Variants in ZBBX observed in about 807,000 individuals in gnomAD.
The protein encoded by ZBBX is zinc finger B-box domain containing, also known as zinc finger B-box domain-containing protein 1.
Under a neutral mutation model 108.5 loss-of-function variants are expected in ZBBX, and 101 were observed. The observed-to-expected ratio is 0.93, with a 90% CI of 0.79 to 1.10. The LOEUF (loss-of-function observed/expected upper bound fraction) is 1.10, where lower values mean the gene tolerates loss of function less well. Ranked by LOEUF, ZBBX falls within the 50% of genes least tolerant of loss-of-function variation. ZBBX has a pLI of 0.00. For synonymous variants in ZBBX, 356 were observed against 323.4 expected, an observed-to-expected ratio of 1.10 and a Z score of -1.08; for missense variants, 1,009 against 941.4, an observed-to-expected ratio of 1.07 and a Z score of -0.94.
intron 1 of ZBBX, among the ~76,000 whole-genome samples, chr3:167,393,941 A>C: frequency 6.6e-6 from 1 of 151,920 alleles, no homozygotes; most frequent in East Asian, 1.9e-4. Context: ...TTTTTCACTA[A>C]GTTTAAATAG....
At chr3:167,225,618 C>A in the ZBBX span, among the ~76,000 whole-genome samples, 1 of 151,782 alleles carries the variant, frequency 6.6e-6, no homozygotes, top group African/African-American at 2.4e-5. Flanking sequence ...ATTTGACTAT[C>A]GGGGGCTCGG....
At chr3:167,282,150 G>C in intron 20 of ZBBX, 88 bp downstream of exon 20, 1 of 1,353,794 alleles carries the variant, frequency 7.4e-7, no homozygotes, top group Non-Finnish European at 1.0e-6. Context: ...TTGTTTGCTG[G>C]CTTGTTTTGT....
At chr3:167,381,727 T>C (rs1747737348), upstream of ZBBX, among the ~76,000 whole-genome samples, 1 of 152,234 alleles carries the variant, frequency 6.6e-6, no homozygotes, top group Non-Finnish European at 1.5e-5. Flanking sequence ...CAAATATTTA[T>C]TGAAAGTCCA....
chr3:167,368,848 T>A (rs1392773185), intron 4 of ZBBX: 11 of 464,614 alleles, frequency 2.4e-5, no homozygotes, highest in Non-Finnish European at 3.3e-5. Flanking sequence ...TAAGGCATGT[T>A]TTTATATATG....
At position 167,245,757 on chromosome 3, in the gene ZBBX, T is replaced by A. The variant is rs555830394; in HGVS notation, c.2255-3114A>T. Reference sequence around the variant, plus strand: ...CTTCCCCTTCTGCCATGATTATAAGTTTCCTGAGGCCTCCACAGCCATGCT... The same window carrying A: ...CTTCCCCTTCTGCCATGATTATAAGATTCCTGAGGCCTCCACAGCCATGCT... On this transcript the variant is annotated intron_variant, in intron 20 of 21. Coordinates refer to ENST00000675490, the MANE Select transcript of ZBBX (RefSeq NM_001199201.2). Among the ~76,000 whole-genome samples the A allele has an allele frequency of 7.2e-5, 11 of 152,290 alleles. No individual in the cohort carries two copies. In the South Asian group the frequency reaches 2.3e-3, roughly 32 times the overall value.
At chr3:167,195,384 T>C in the ZBBX span, among the ~76,000 whole-genome samples, 1 of 152,206 alleles carries the variant, frequency 6.6e-6, no homozygotes, top group Admixed American at 6.5e-5. Flanking sequence ...GGCTTTCTTA[T>C]TATAGAATAA....
intron 1 of ZBBX, among the ~76,000 whole-genome samples, chr3:167,403,045 A>G: frequency 6.6e-6 from 1 of 152,182 alleles, no homozygotes. Flanking sequence ...ACAATGACTG[A>G]AAAGTTTCCT....
In ZBBX at chr3:167,322,183, A is replaced by G; in HGVS notation, c.917T>C (p.Leu306Pro). The change falls in exon 12 of 22, where the codon CTT (leucine) becomes CCT (proline). Residue 306 changes from leucine (L) to proline (P), a missense_variant. Physicochemically the swap from Leu to Pro is moderately conservative, Grantham distance 98. Coordinates refer to ENST00000675490, the MANE Select transcript of ZBBX (RefSeq NM_001199201.2). ...QTNLKIWREP[L>P]NIELKEDILS... The stretch of plus-strand genomic sequence containing the variant: ...AATGTCTTCTTTAAGTTCAATATTA[A>G]GTGGTTCTCTCCAAATTTTCAGATT... 6.8e-7 allele frequency: 1 copy of G among 1,474,820 alleles called. No homozygotes were observed. Among genetic ancestry groups the G allele is most frequent in the Non-Finnish European group, 9.0e-7 (1 of 1,107,290 alleles). The allele number at this position is 1,474,820 out of a possible 1,614,324, so 91.4% of individuals were successfully genotyped here.
At chr3:167,368,058 A>G (rs536528680) in intron 5 of ZBBX, among the ~76,000 whole-genome samples, 25 of 149,754 alleles carry the variant, frequency 1.7e-4, no homozygotes, top group African/African-American at 5.8e-4. Context: ...TCTTGCTCCC[A>G]AAAGCTTTTG....
intron 8 of ZBBX, 122 bp downstream of exon 8, chr3:167,359,748 A>G (rs1050392618): frequency 1.2e-5 from 5 of 413,820 alleles, no homozygotes; most frequent in Non-Finnish European, 2.1e-5. Context: ...ATGAAGAAAA[A>G]GTATATGGCT....
intron 16 of ZBBX, among the ~76,000 whole-genome samples, chr3:167,308,379 A>G (rs759071447): frequency 1.3e-5 from 2 of 152,212 alleles, no homozygotes; most frequent in African/African-American, 2.4e-5. Context: ...AATTAGTTCA[A>G]CCATCATGGA....
At chr3:167,304,510 T>A (rs769470843) in intron 17 of ZBBX, among the ~76,000 whole-genome samples, 12 of 152,184 alleles carry the variant, frequency 7.9e-5, no homozygotes, top group Non-Finnish European at 1.3e-4. Context: ...GGTGTAAGCA[T>A]GTCCTTTTAT....
At chr3:167,301,981 C>T (rs1205634584) in intron 17 of ZBBX, among the ~76,000 whole-genome samples, 2 of 144,734 alleles carry the variant, frequency 1.4e-5, no homozygotes, top group Non-Finnish European at 3.0e-5. Flanking sequence ...AAAAAAAAAC[C>T]TAGACATATT....
At chr3:167,275,750 A>C (rs945509746) in intron 20 of ZBBX, among the ~76,000 whole-genome samples, 4 of 152,216 alleles carry the variant, frequency 2.6e-5, no homozygotes, top group African/African-American at 7.2e-5. Context: ...AAAGCAGCCC[A>C]GAAGCTCGAA....
At chr3:167,348,314 G>GAAAGAAAGAA (rs1476551584) in intron 9 of ZBBX, among the ~76,000 whole-genome samples, 1 of 65,598 alleles carries the variant, frequency 1.5e-5, no homozygotes, top group Non-Finnish European at 3.0e-5. Context: ...GAGAAAGAAA[G>GAAAGAAAGAA]AGAAAGAAAG....
At chr3:167,219,990 A>G in the ZBBX span, among the ~76,000 whole-genome samples, 1 of 152,020 alleles carries the variant, frequency 6.6e-6, no homozygotes, top group Non-Finnish European at 1.5e-5. Context: ...ATAAATTGAA[A>G]AACACAGAAG....
In ZBBX at chr3:167,282,429, C is replaced by G. The variant is rs763636369; in HGVS notation, c.2063G>C (p.Ser688Thr). Residue 688 changes from serine to threonine, a missense_variant, in exon 20 of 22, where the codon AGT (serine) becomes ACT (threonine). Transcript: ENST00000675490. ...TCGAGGATGAGAGGATGAAAGGCAA[C>G]TGGAGCTTTCTTTAACAGAGTTGGA... is the stretch of plus-strand genomic sequence containing the variant. Reference protein sequence around the residue: ...PLSNSVKESSSCLSSSHPRSR... With the variant: ...PLSNSVKESSTCLSSSHPRSR... 2 of 1,614,022 alleles carry G rather than the reference C, an allele frequency of 1.2e-6. No individual in the cohort carries two copies. Among genetic ancestry groups the G allele is most frequent in the South Asian group, 2.2e-5 (2 of 91,074 alleles).
chr3:167,402,774 A>G (rs1404965340), intron 1 of ZBBX, among the ~76,000 whole-genome samples: 2 of 127,092 alleles, frequency 1.6e-5, no homozygotes, highest in African/African-American at 7.0e-5. Context: ...ATATCTGTAA[A>G]CTACAATATG....
intron 1 of ZBBX, among the ~76,000 whole-genome samples, chr3:167,393,225 C>T (rs1400932544): frequency 2.6e-5 from 4 of 151,720 alleles, no homozygotes; most frequent in African/African-American, 4.8e-5. Context: ...GTGACATAGT[C>T]CCCCTGCCAG....
Sources: allele counts gnomAD v4.1 joint callset (sites outside exome capture counted in the v4.1 genomes callset), GRCh38; gene constraint gnomAD v4.1.1; transcripts MANE v1.5; gene names NCBI Gene and HGNC (gene_info 2026-07-23, HGNC 2026-07-21).